CR1L: variants seen among roughly 807,000 people sequenced by gnomAD.
CR1L encodes the protein complement component receptor 1-like protein.
Under a neutral mutation model 62.3 loss-of-function variants are expected in CR1L, and 59 were observed. The ratio of observed to expected loss-of-function variants is 0.95; its 90% CI spans 0.77 to 1.18. CR1L has a LOEUF of 1.18. CR1L is among the 50% of genes most tolerant of loss of function. The pLI is 0.00. For synonymous variants in CR1L, 279 were observed against 248.7 expected, an observed-to-expected ratio of 1.12 and a Z score of -1.15; for missense variants, 700 against 702.8, an observed-to-expected ratio of 1.00 and a Z score of 0.04.
chr1:207,656,771 T>G (rs1290315679), intron 1 of CR1L, among the ~76,000 whole-genome samples: 8 of 152,136 alleles, frequency 5.3e-5, no homozygotes, highest in Non-Finnish European at 7.3e-5. Context: ...GGGACGGTGC[T>G]AAACCATTCA....
chr1:207,714,493 C>T (rs987294330), intron 10 of CR1L, among the ~76,000 whole-genome samples: 4 of 152,094 alleles, frequency 2.6e-5, no homozygotes, highest in Non-Finnish European at 5.9e-5. Flanking sequence ...CACCGGGATC[C>T]GCCCCATCTG....
Position 207,694,404 on chromosome 1 carries a change from T to A in CR1L, c.515T>A (p.Ile172Asn), listed in dbSNP as rs1317747245. Reference protein sequence around the residue: ...PTIANGDFTSISREYFHYGSV... With the variant: ...PTIANGDFTSNSREYFHYGSV... ...ATCGCCAATGGAGATTTCACTAGCA[T>A]CAGCAGAGAGTATTTTCACTATGGA... Residue 172 changes from isoleucine to asparagine, a missense_variant, in exon 5 of 12, where the codon ATC (isoleucine) becomes AAC (asparagine). By Grantham distance (149) the Ile-to-Asn change is moderately radical. Transcript: ENST00000508064. The A allele has an allele frequency of 1.2e-6, 2 of 1,613,976 alleles. No individual in the cohort carries two copies. The highest frequency in any genetic ancestry group is 2.2e-5 in the South Asian group (2 of 91,068).
Position 207,699,262 on chromosome 1 carries a change from C to T in CR1L, c.1216C>T (p.Pro406Ser), listed in dbSNP as rs371110227. 2 of 1,613,598 alleles carry T rather than the reference C, an allele frequency of 1.2e-6. No homozygotes were observed. The highest frequency in any genetic ancestry group is 1.3e-5 in the African/African-American group (1 of 74,930). The change falls in exon 8 of 12, where the codon CCA (proline) becomes TCA (serine). Residue 406 changes from proline (P) to serine (S), a missense_variant. Physicochemically the swap from Pro to Ser is moderately conservative, Grantham distance 74. Coordinates refer to ENST00000508064, the MANE Select transcript of CR1L (RefSeq NM_175710.2). ...GGAAAGCCTTTGGAATAGCAGTGTT[C>T]CAGTGTGTGAACGTAAGTAATAGGA... Reference protein sequence around the residue: ...GMESLWNSSVPVCERKSCETP... With the variant: ...GMESLWNSSVSVCERKSCETP...
Position 207,694,723 on chromosome 1 carries a change from G to T in CR1L, c.834G>T (p.Trp278Cys), listed in dbSNP as rs372130537. Residue 278 changes from tryptophan (W) to cysteine (C), a missense_variant, in exon 5 of 12, where the codon TGG (tryptophan) becomes TGT (cysteine). Physicochemically the swap from Trp to Cys is radical, Grantham distance 215 (BLOSUM62 -2). Coordinates refer to ENST00000508064, the MANE Select transcript of CR1L (RefSeq NM_175710.2). ...TGAAGTGCCAGGCCCTGAACAAATG[G>T]GAGCCAGAGTTACCAAGCTGCTCCA... Reference protein sequence around the residue: ...SHVKCQALNKWEPELPSCSRV... With the variant: ...SHVKCQALNKCEPELPSCSRV... The T allele has an allele frequency of 2.5e-6, 4 of 1,611,788 alleles. No homozygotes were observed. In the African/African-American group the frequency reaches 5.3e-5, roughly 22 times the overall value.
intron 1 of CR1L, among the ~76,000 whole-genome samples, chr1:207,666,008 A>G (rs1444085294): frequency 1.3e-5 from 2 of 152,234 alleles, no homozygotes; most frequent in African/African-American, 2.4e-5. Flanking sequence ...ATAGTTTTCT[A>G]CCTAAAGCAT....
Position 207,645,254 on chromosome 1 carries a change from C to T in CR1L, c.21C>T (p.Leu7=). 1 of 1,613,498 alleles carries T rather than the reference C, an allele frequency of 6.2e-7. No homozygotes were observed. The highest frequency in any genetic ancestry group is 8.5e-7 in the Non-Finnish European group (1 of 1,180,016). ...CGCTCATGGCGCCTCCCGTCCGTCT[C>T]GAGCGTCCCTTTCCTTCCCGGCGCT... is the stretch of plus-strand genomic sequence containing the variant. The part of the protein sequence containing the change: MAPPVR[L]ERPFPSRRFP... Residue 7 remains leucine (L), a synonymous_variant, in exon 1 of 12, where the codon CTC becomes CTT. Transcript: ENST00000508064.
intron 8 of CR1L, among the ~76,000 whole-genome samples, chr1:207,700,530 A>G (rs980190009): frequency 2.0e-5 from 3 of 152,248 alleles, no homozygotes; most frequent in Admixed American, 6.5e-5. Flanking sequence ...CAGAAAGTAA[A>G]AAAAGAAAAT....
chr1:207,717,937 AG>A (rs1654042918), intron 11 of CR1L, among the ~76,000 whole-genome samples: 1 of 152,140 alleles, frequency 6.6e-6, no homozygotes, highest in Non-Finnish European at 1.5e-5. Flanking sequence ...TGGACAGTGA[AG>A]AGAATTGGTG....
chr1:207,658,340 A>T (rs544987238), intron 1 of CR1L: 7 of 152,240 alleles, frequency 4.6e-5, no homozygotes, highest in Non-Finnish European at 7.4e-5. Flanking sequence ...TGAAACCAAC[A>T]GTTGCTACTT....
chr1:207,669,200 G>A (rs1051528522), intron 1 of CR1L: 27 of 360,712 alleles, frequency 7.5e-5, no homozygotes, highest in Non-Finnish European at 1.1e-4. Context: ...CTCTGCTGCT[G>A]CACCTGGGTC....
intron 3 of CR1L, among the ~76,000 whole-genome samples, chr1:207,680,524 G>A (rs938668238): frequency 6.7e-6 from 1 of 149,698 alleles, no homozygotes; most frequent in Non-Finnish European, 1.5e-5. Flanking sequence ...ATGGGAATCT[G>A]ATTATCTCAA....
chr1:207,655,441 GA>G (rs1431838990), intron 1 of CR1L, among the ~76,000 whole-genome samples: 1 of 152,086 alleles, frequency 6.6e-6, no homozygotes, highest in African/African-American at 2.4e-5. Flanking sequence ...CAAACTGAGA[GA>G]TTTTTTAAAT....
rs545220062 is a variant in CR1L, at chr1:207,712,793, C to T, written c.1414+4530C>T. ...ATCCTGTGATGACTTCCTGGGCCAA[C>T]TCCCTCATGGCCGTGTGCTGTTTCC... On this transcript the variant is annotated intron_variant, in intron 10 of 11. Transcript: ENST00000508064. Among the ~76,000 whole-genome samples, 6 of 152,324 alleles carry T rather than the reference C, an allele frequency of 3.9e-5. No homozygotes were observed. The South Asian group carries it at 6.2e-4, about 16-fold the overall frequency.
At chr1:207,682,065 C>A (rs983555666) in intron 3 of CR1L, among the ~76,000 whole-genome samples, 1 of 152,020 alleles carries the variant, frequency 6.6e-6, no homozygotes, top group African/African-American at 2.4e-5. Context: ...TTGACGGGTG[C>A]AGCAAACCGC....
chr1:207,706,039 ATATAT>A (rs1558024096), intron 9 of CR1L, among the ~76,000 whole-genome samples: 116 of 147,852 alleles, frequency 7.8e-4, no homozygotes, highest in African/African-American at 2.6e-3. Flanking sequence ...ATATATATAT[ATATAT>A]AAAACACTGA....
intron 3 of CR1L, among the ~76,000 whole-genome samples, chr1:207,680,545 T>A (rs577734482): frequency 8.1e-4 from 123 of 151,458 alleles, no homozygotes; most frequent in East Asian, 1.4e-3. Context: ...AATAAAAAAA[T>A]TTTTTTTTTA....
At chr1:207,709,902 T>C (rs1204807608) in intron 10 of CR1L, among the ~76,000 whole-genome samples, 2 of 151,734 alleles carry the variant, frequency 1.3e-5, no homozygotes, top group Admixed American at 1.3e-4. Flanking sequence ...TAATGTTAAC[T>C]ACGAAGAGCA....
chr1:207,678,235 C>T lies in CR1L; in HGVS notation c.315C>T (p.Gly105=). The change falls in exon 3 of 12, where the codon GGC becomes GGT. Residue 105 remains glycine, a synonymous_variant. Transcript: ENST00000508064. ...GTAATCCTCCAGATCCTGTGAATGGCATGGCACATGTGATCAAAGACATCC... is the reference window on the plus strand; with the variant it reads ...GTAATCCTCCAGATCCTGTGAATGGTATGGCACATGTGATCAAAGACATCC... ...SCRNPPDPVN[G]MAHVIKDIQF... The T allele has an allele frequency of 6.2e-7, 1 of 1,613,698 alleles. No individual in the cohort carries two copies. Among genetic ancestry groups the T allele is most frequent in the Non-Finnish European group, 8.5e-7 (1 of 1,179,626 alleles).
At chr1:207,672,719 T>C (rs1663631683) in intron 1 of CR1L, among the ~76,000 whole-genome samples, 1 of 152,174 alleles carries the variant, frequency 6.6e-6, no homozygotes, top group African/African-American at 2.4e-5. Context: ...GGGTAGACTC[T>C]GGCGCCCTCA....
Sources: allele counts gnomAD v4.1 joint callset (sites outside exome capture counted in the v4.1 genomes callset), GRCh38; gene constraint gnomAD v4.1.1; transcripts MANE v1.5; gene names NCBI Gene and HGNC (gene_info 2026-07-23, HGNC 2026-07-21).